ACSM2A: variants seen among roughly 807,000 people sequenced by gnomAD.
The protein encoded by ACSM2A is acyl-coenzyme A synthetase ACSM2A, mitochondrial.
In ACSM2A, 72 loss-of-function variants were observed where a neutral mutation model predicts 76.6. The observed-to-expected ratio is 0.94, with a 90% CI of 0.78 to 1.14. The LOEUF (loss-of-function observed/expected upper bound fraction) is 1.14. Among genes scored for constraint, ACSM2A ranks in the 50% most tolerant of loss-of-function variants. The probability of loss-of-function intolerance (pLI) is 0.00; values close to 1 mark genes in which losing one functional copy is unlikely to be tolerated. For synonymous variants in ACSM2A, 249 were observed against 255.9 expected, an observed-to-expected ratio of 0.97 and a Z score of 0.26; for missense variants, 684 against 708.5, an observed-to-expected ratio of 0.97 and a Z score of 0.39.
rs1204248453 is a variant in ACSM2A, at chr16:20,471,643, C to G, written c.848C>G (p.Thr283Arg). 2.5e-6 allele frequency: 4 copies of G among 1,614,028 alleles called. No individual in the cohort carries two copies. The highest frequency in any genetic ancestry group is 3.4e-6 in the Non-Finnish European group (4 of 1,179,912). ...LMEPWALGAC[T>R]FVHLLPKFDP... The stretch of plus-strand genomic sequence containing the variant: ...GAACCTTGGGCATTAGGAGCATGCA[C>G]ATTTGTTCATCTCTTGCCAAAGTTT... The change falls in exon 6 of 14, where the codon ACA (threonine) becomes AGA (arginine). Residue 283 changes from threonine (T) to arginine (R), a missense_variant. By Grantham distance (71) the Thr-to-Arg change is moderately conservative. Around this residue, in one of 3 missense-constraint regions of ACSM2A, gnomAD observed 519 missense variants for 549.5 expected, o/e 0.94. Transcript: ENST00000573854.
intron 4 of ACSM2A, 56 bp from the exon 5 acceptor site, chr16:20,471,017 T>C: frequency 1.9e-6 from 3 of 1,606,262 alleles, no homozygotes; most frequent in Non-Finnish European, 2.6e-6. Flanking sequence ...ATGGGTCACT[T>C]TGATATCTGG....
intron 8 of ACSM2A, chr16:20,476,445 G>A (rs2013742691): frequency 2.0e-6 from 2 of 985,356 alleles, no homozygotes; most frequent in Non-Finnish European, 2.4e-6. Flanking sequence ...TGGCTAATGA[G>A]TACCCTTGGA....
intron 2 of ACSM2A, among the ~76,000 whole-genome samples, chr16:20,460,703 G>T (rs2012571655): frequency 7.0e-6 from 1 of 143,636 alleles, no homozygotes; most frequent in Non-Finnish European, 1.5e-5. Context: ...AACAAAATTA[G>T]CCAGGCATGG....
At chr16:20,454,745 C>G (rs1278549435) in intron 1 of ACSM2A, among the ~76,000 whole-genome samples, 1 of 151,708 alleles carries the variant, frequency 6.6e-6, no homozygotes, top group African/African-American at 2.4e-5. Flanking sequence ...TATGACAAAA[C>G]AAGGCTGTTT....
chr16:20,486,651 G>A lies in ACSM2A; in HGVS notation c.1707G>A (p.Lys569=). The A allele has an allele frequency of 1.2e-6, 2 of 1,614,190 alleles. No homozygotes were observed. The highest frequency in any genetic ancestry group is 1.7e-6 in the Non-Finnish European group (2 of 1,180,020). ...QRAKLRDKEW[K]MSGKARAQ is the part of the protein sequence containing the mutation. ...CCAAGCTTCGAGACAAGGAGTGGAA[G>A]ATGTCCGGAAAAGCCCGTGCGCAGT... The change falls in exon 14 of 14, where the codon AAG becomes AAA. Residue 569 remains lysine (K), a synonymous_variant. Transcript: ENST00000573854.
At chr16:20,460,746 G>A (rs2012574082) in intron 2 of ACSM2A, among the ~76,000 whole-genome samples, 2 of 138,608 alleles carry the variant, frequency 1.4e-5, no homozygotes, top group Admixed American at 1.4e-4. Flanking sequence ...CTACTCAGGA[G>A]ATTGAGGTGG....
rs1408459535 is a variant in ACSM2A at position 20,471,618 on chromosome 16, G to A, written c.823G>A (p.Glu275Lys). Residue 275 changes from glutamate (E) to lysine (K), a missense_variant, in exon 6 of 14, where the codon GAA (glutamate) becomes AAA (lysine). Glu to Lys is a moderately conservative substitution (Grantham distance 56). This residue lies in a region of ACSM2A where 519 missense variants were observed against 549.5 expected (regional missense o/e 0.94). Coordinates refer to ENST00000573854, the MANE Select transcript of ACSM2A (RefSeq NM_001308172.2). The part of the protein sequence containing the change: ...WILNILCSLM[E>K]PWALGACTFV... The stretch of plus-strand genomic sequence containing the variant: ...ACTGAACATCTTGTGCTCACTTATG[G>A]AACCTTGGGCATTAGGAGCATGCAC... 6.2e-7 allele frequency: 1 copy of A among 1,614,060 alleles called. No homozygotes were observed. The highest frequency in any genetic ancestry group is 1.7e-5 in the Admixed American group (1 of 60,022).
At chr16:20,462,229 T>C (rs1048411233) in intron 2 of ACSM2A, among the ~76,000 whole-genome samples, 7 of 152,108 alleles carry the variant, frequency 4.6e-5, no homozygotes, top group Middle Eastern at 3.2e-3. Flanking sequence ...TAGGGAACAA[T>C]GGCTGGTTAT....
chr16:20,476,570 C>T lies in ACSM2A; in HGVS notation c.1098+797C>T, dbSNP rs2013749647. The T allele has an allele frequency of 7.1e-6, 7 of 985,262 alleles. No homozygotes were observed. The Admixed American group carries it at 1.8e-4, about 26-fold the overall frequency. The allele number at this position is 985,262 out of a possible 1,614,324, so 61.0% of individuals were successfully genotyped here. On this transcript the variant is annotated intron_variant, in intron 8 of 13. Coordinates refer to ENST00000573854, the MANE Select transcript of ACSM2A (RefSeq NM_001308172.2). ...GCAAGCATACCCTGGCAGGGGCCTC[C>T]CACCATTCAGAGGAGGACATGTTTA...
At chr16:20,468,046 T>C (rs943705569) in intron 3 of ACSM2A, among the ~76,000 whole-genome samples, 3 of 151,856 alleles carry the variant, frequency 2.0e-5, no homozygotes, top group Admixed American at 6.6e-5. Context: ...AATTAGAAAC[T>C]ATCAGAGGCG....
chr16:20,469,687 T>A lies in ACSM2A; in HGVS notation c.564T>A (p.Cys188Ter). Residue 188 changes from cysteine to a stop codon, truncating the protein, a stop_gained, in exon 4 of 14, where the codon TGT becomes TGA. Transcript: ENST00000573854. LOFTEE classifies it high-confidence loss of function. ...RIKLLVSEKS[C>*]DGWLNFKKLL... ...AGCTACTGGTGTCTGAGAAAAGCTGTGATGGGTGGCTGAACTTCAAGAAAC... is the reference window on the plus strand; with the variant it reads ...AGCTACTGGTGTCTGAGAAAAGCTGAGATGGGTGGCTGAACTTCAAGAAAC... 6.2e-7 allele frequency: 1 copy of A among 1,613,682 alleles called. No individual in the cohort carries two copies. Among genetic ancestry groups the A allele is most frequent in the African/African-American group, 1.3e-5 (1 of 74,982 alleles).
chr16:20,460,014 T>C, intron 1 of ACSM2A, 93 bp from the exon 2 acceptor site: 1 of 1,446,572 alleles, frequency 6.9e-7, no homozygotes, highest in Non-Finnish European at 9.2e-7. Flanking sequence ...GGAAGAATCC[T>C]ATAAGGTTGG....
chr16:20,462,531 G>A (rs1189927926), intron 2 of ACSM2A, among the ~76,000 whole-genome samples: 3 of 152,160 alleles, frequency 2.0e-5, no homozygotes, highest in African/African-American at 7.2e-5. Flanking sequence ...TTACCAAAAA[G>A]TGCTATAACT....
chr16:20,467,745 G>T (rs1394252735), intron 3 of ACSM2A, among the ~76,000 whole-genome samples: 2 of 152,178 alleles, frequency 1.3e-5, no homozygotes, highest in Non-Finnish European at 2.9e-5. Context: ...AGTCCAGGAT[G>T]TCCATGTGAT....
intron 6 of ACSM2A, among the ~76,000 whole-genome samples, chr16:20,471,911 G>A (rs951988519): frequency 3.3e-5 from 5 of 152,156 alleles, no homozygotes; most frequent in African/African-American, 1.2e-4. Flanking sequence ...ATGTTCAGGA[G>A]AAAGATATTG....
At position 20,477,386 on chromosome 16, in the gene ACSM2A, T is replaced by C; in HGVS notation, c.1116T>C (p.Val372=). The C allele has an allele frequency of 1.2e-6, 2 of 1,609,462 alleles. No individual in the cohort carries two copies. The highest frequency in any genetic ancestry group is 2.2e-5 in the South Asian group (2 of 90,348). ...TTCCACAGGGATTAACTTGCATGGT[T>C]TCCAAGACAATGAAAATCAAACCAG... The part of the protein sequence containing the change: ...GQTETGLTCM[V]SKTMKIKPGY... The change falls in exon 9 of 14, where the codon GTT becomes GTC. Residue 372 remains valine, a synonymous_variant. Coordinates refer to ENST00000573854, the MANE Select transcript of ACSM2A (RefSeq NM_001308172.2).
At chr16:20,479,798 T>G (rs1408358531) in intron 10 of ACSM2A, among the ~76,000 whole-genome samples, 1 of 152,234 alleles carries the variant, frequency 6.6e-6, no homozygotes, top group Non-Finnish European at 1.5e-5. Flanking sequence ...AGAGGCTCCA[T>G]GATGCCCATG....
chr16:20,451,766 G>C (rs545144376), intron 1 of ACSM2A, 85 bp downstream of exon 1: 2 of 149,184 alleles, frequency 1.3e-5, no homozygotes, highest in Middle Eastern at 3.2e-3. Context: ...CTGGTGAGAA[G>C]AGCAAAAATC....
At chr16:20,469,209 T>A (rs1219694552) in intron 3 of ACSM2A, among the ~76,000 whole-genome samples, 1 of 152,166 alleles carries the variant, frequency 6.6e-6, no homozygotes, top group Non-Finnish European at 1.5e-5. Context: ...TAGAAAATTT[T>A]TTTTGAGGGG....
Sources: allele counts gnomAD v4.1 joint callset (sites outside exome capture counted in the v4.1 genomes callset), GRCh38; gene constraint gnomAD v4.1.1; regional missense constraint gnomAD v4.1.1; transcripts MANE v1.5; gene names NCBI Gene and HGNC (gene_info 2026-07-23, HGNC 2026-07-21).